Variants in MKI67 observed in about 807,000 individuals in gnomAD.
MKI67 encodes the protein marker of proliferation Ki-67.
MKI67 carries 152 observed loss-of-function variants against 233.5 expected under a neutral mutation model. The ratio of observed to expected loss-of-function variants is 0.65; its 90% CI spans 0.57 to 0.74. MKI67 has a LOEUF of 0.74. Ranked by LOEUF, MKI67 falls within the 30% of genes least tolerant of loss-of-function variation. MKI67 has a pLI of 0.00. For missense variants in MKI67, 3,940 were observed against 3,885.2 expected (o/e 1.01, Z -0.37); for synonymous variants, 1,465 against 1,418.5 (o/e 1.03, Z -0.74).
rs781046539 is a variant in MKI67, at chr10:128,105,104, C to T, written c.6736G>A (p.Ala2246Thr). ...KPQSKRSLRK[A>T]DVEEESLALR... ...GCTAAGGATTCTTCCTCTACGTCTGCTTTCCTGAGACTTCTCTTGGACTGT... is the reference window on the plus strand; with the variant it reads ...GCTAAGGATTCTTCCTCTACGTCTGTTTTCCTGAGACTTCTCTTGGACTGT... Residue 2246 changes from alanine (A) to threonine (T), a missense_variant, in exon 13 of 15, where the codon GCA (alanine) becomes ACA (threonine). Coordinates refer to ENST00000368654, the MANE Select transcript of MKI67 (RefSeq NM_002417.5). The T allele has an allele frequency of 6.2e-7, 1 of 1,614,014 alleles. No homozygotes were observed. The highest frequency in any genetic ancestry group is 1.1e-5 in the South Asian group (1 of 91,080).
intron 2 of MKI67, among the ~76,000 whole-genome samples, chr10:128,123,715 G>A (rs1419130653): frequency 6.6e-6 from 1 of 152,122 alleles, no homozygotes; most frequent in Admixed American, 6.5e-5. Flanking sequence ...TGCTCATTAT[G>A]GGTAAGCTTT....
chr10:128,125,768 G>A lies in MKI67; in HGVS notation c.-89-12C>T. ...TTACAACTCTTCCACTGCAAAAGAG[G>A]TGCGAGTTACTCTGATAGCAAAGGA... On this transcript the variant is annotated splice_polypyrimidine_tract_variant and intron_variant, in intron 1 of 14. Transcript: ENST00000368654. The surrounding 1 kb of genome is among the most constrained non-coding windows in gnomAD (Gnocchi z 5.3). The A allele has an allele frequency of 1.0e-6, 1 of 979,232 alleles. No individual in the cohort carries two copies. Among genetic ancestry groups the A allele is most frequent in the East Asian group, 2.4e-5 (1 of 41,038 alleles). 60.7% of individuals were successfully genotyped at this position (979,232 alleles called of 1,614,324 possible).
chr10:128,107,236 C>T lies in MKI67; in HGVS notation c.4604G>A (p.Gly1535Asp), dbSNP rs776367302. 1.2e-6 allele frequency: 2 copies of T among 1,614,122 alleles called. No homozygotes were observed. Among genetic ancestry groups the T allele is most frequent in the South Asian group, 2.2e-5 (2 of 91,080 alleles). The change falls in exon 13 of 15, where the codon GGC becomes GAC. Residue 1535 changes from glycine (G) to aspartate (D), a missense_variant. By Grantham distance (94) the Gly-to-Asp change is moderately conservative. Transcript: ENST00000368654. Reference protein sequence around the residue: ...FALRKRTPSAGKAMHTPKPAV... With the variant: ...FALRKRTPSADKAMHTPKPAV... Reference sequence around the variant, plus strand: ...TGGTTTGGGTGTGTGCATGGCTTTGCCTGCTGATGGTGTTCGTTTCCTGAG... The same window carrying T: ...TGGTTTGGGTGTGTGCATGGCTTTGTCTGCTGATGGTGTTCGTTTCCTGAG...
At position 128,105,574 on chromosome 10, in the gene MKI67, G is replaced by A. The variant is rs1419967518; in HGVS notation, c.6266C>T (p.Thr2089Ile). The part of the protein sequence containing the change: ...FKELFQTPDH[T>I]EESTTDDKTT... ...TTTGTCATCAGTTGTTGATTCCTCA[G>A]TGTGGTCTGGTGTCTGGAAGAGCTC... Residue 2089 changes from threonine to isoleucine, a missense_variant, in exon 13 of 15, where the codon ACT (threonine) becomes ATT (isoleucine). Physicochemically the swap from Thr to Ile is moderately conservative, Grantham distance 89. Coordinates refer to ENST00000368654, the MANE Select transcript of MKI67 (RefSeq NM_002417.5). The A allele has an allele frequency of 4.3e-6, 7 of 1,614,054 alleles. No homozygotes were observed. Among genetic ancestry groups the A allele is most frequent in the Non-Finnish European group, 5.9e-6 (7 of 1,179,988 alleles).
Position 128,125,677 on chromosome 10 carries a change from A to G in MKI67, c.-10T>C, listed in dbSNP as rs931731069. On this transcript the variant is annotated 5_prime_UTR_variant, in exon 2 of 15. Coordinates refer to ENST00000368654, the MANE Select transcript of MKI67 (RefSeq NM_002417.5). This position sits in a 1 kb window ranked among gnomAD's most constrained non-coding sequence, Gnocchi z 5.3. ...GTCTCGTGGGCCACATTTTCTAAAC[A>G]GTAAGTTGAGTATAATCCGTAGGGG... The G allele has an allele frequency of 1.2e-6, 2 of 1,610,854 alleles. No homozygotes were observed. Among genetic ancestry groups the G allele is most frequent in the South Asian group, 2.2e-5 (2 of 91,008 alleles).
chr10:128,111,544 ATCTCT>A, intron 11 of MKI67, 96 bp downstream of exon 11: 1 of 1,018,498 alleles, frequency 9.8e-7, no homozygotes, highest in Non-Finnish European at 1.4e-6. Flanking sequence ...TTATTTTATA[ATCTCT>A]TTCACAGCAG....
At chr10:128,099,277 A>G (rs750229707) in intron 14 of MKI67, 22 bp from the exon 15 acceptor site, 5 of 1,597,502 alleles carry the variant, frequency 3.1e-6, no homozygotes, top group Non-Finnish European at 4.3e-6. Flanking sequence ...GAAAAAAAAT[A>G]GAACTCTTAA....
At chr10:128,119,392 A>G in intron 4 of MKI67, 73 bp from the exon 5 acceptor site, 2 of 1,015,448 alleles carry the variant, frequency 2.0e-6, no homozygotes, top group Non-Finnish European at 3.1e-6. Flanking sequence ...ATATCCACTT[A>G]ATGTCCAAGG....
chr10:128,115,946 AT>A lies in MKI67; in HGVS notation c.461del (p.Asn154IlefsTer58). The A allele has an allele frequency of 6.2e-7, 1 of 1,608,976 alleles. No homozygotes were observed. The highest frequency in any genetic ancestry group is 8.5e-7 in the Non-Finnish European group (1 of 1,179,078). On this transcript the variant is annotated frameshift_variant, in exon 7 of 15. Coordinates refer to ENST00000368654, the MANE Select transcript of MKI67 (RefSeq NM_002417.5). LOFTEE classifies it high-confidence loss of function. ...SKITEGKVSG[N>X]PQVHIKNVKE... ...TGACATTCTTGATATGTACCTGAGG[AT>A]TTCCTGAAACTTTTCCTTCAGTGAT...
chr10:128,103,447 T>G lies in MKI67; in HGVS notation c.8393A>C (p.Glu2798Ala). 3 of 1,613,856 alleles carry G rather than the reference T, an allele frequency of 1.9e-6. No homozygotes were observed. Among genetic ancestry groups the G allele is most frequent in the Non-Finnish European group, 2.5e-6 (3 of 1,179,896 alleles). ...RAPRESAQAI[E>A]DLAGFKDPAA... ...TGGGTCTTTGAAGCCAGCTAGGTCTTCTATGGCTTGGGCACTTTCCCTGGG... is the reference window on the plus strand; with the variant it reads ...TGGGTCTTTGAAGCCAGCTAGGTCTGCTATGGCTTGGGCACTTTCCCTGGG... The change falls in exon 13 of 15, where the codon GAA becomes GCA. Residue 2798 changes from glutamate (E) to alanine (A), a missense_variant. Transcript: ENST00000368654.
intron 11 of MKI67, 50 bp from the exon 12 acceptor site, chr10:128,110,583 G>A (rs758531721): frequency 1.4e-6 from 2 of 1,427,710 alleles, no homozygotes; most frequent in African/African-American, 1.4e-5. Context: ...CTAACATGCA[G>A]ACAACCATCC....
Position 128,099,158 on chromosome 10 carries a change from T to G in MKI67, c.*32A>C. The G allele has an allele frequency of 6.4e-7, 1 of 1,551,572 alleles. No individual in the cohort carries two copies. Among genetic ancestry groups the G allele is most frequent in the South Asian group, 1.2e-5 (1 of 86,802 alleles). The stretch of plus-strand genomic sequence containing the variant: ...CACTAGAACTTATCACAAAACTAAC[T>G]TTATTATATTTTTCCCAGTTCGATT... On this transcript the variant is annotated 3_prime_UTR_variant, in exon 15 of 15. Coordinates refer to ENST00000368654, the MANE Select transcript of MKI67 (RefSeq NM_002417.5).
At position 128,125,624 on chromosome 10, in the gene MKI67, A is replaced by AC. The variant is rs1276908769; in HGVS notation, c.43dup (p.Val15GlyfsTer20). ...GCTCAGGGGAAAGTGGGGACCGTCG[A>AC]CCCCGCTCCTTTTGATAGTAACCAG... On this transcript the variant is annotated frameshift_variant, in exon 2 of 15. Transcript: ENST00000368654. LOFTEE classifies it high-confidence loss of function. The surrounding 1 kb of genome is among the most constrained non-coding windows in gnomAD (Gnocchi z 5.3). 6.2e-7 allele frequency: 1 copy of AC among 1,612,726 alleles called. No individual in the cohort carries two copies. The highest frequency in any genetic ancestry group is 1.3e-5 in the African/African-American group (1 of 74,638).
chr10:128,124,352 T>G (rs1209858530), intron 2 of MKI67, among the ~76,000 whole-genome samples: 1 of 152,222 alleles, frequency 6.6e-6, no homozygotes, highest in East Asian at 1.9e-4. Context: ...GTTGACATCT[T>G]GGGCCAGATG....
rs978950523 is a variant in MKI67, at chr10:128,105,373, C to G, written c.6467G>C (p.Gly2156Ala). Residue 2156 changes from glycine (G) to alanine (A), a missense_variant, in exon 13 of 15, where the codon GGC (glycine) becomes GCC (alanine). Physicochemically the swap from Gly to Ala is moderately conservative, Grantham distance 60. Coordinates refer to ENST00000368654, the MANE Select transcript of MKI67 (RefSeq NM_002417.5). ...TDKVPGDEDK[G>A]INVFRETAKQ... ...TGCAGTTTCCCTGAACACGTTGATGCCTTTATCCTCATCTCCTGGTACTTT... is the reference window on the plus strand; with the variant it reads ...TGCAGTTTCCCTGAACACGTTGATGGCTTTATCCTCATCTCCTGGTACTTT... 6.2e-7 allele frequency: 1 copy of G among 1,614,020 alleles called. No individual in the cohort carries two copies. The highest frequency in any genetic ancestry group is 8.5e-7 in the Non-Finnish European group (1 of 1,180,044).
In MKI67 at chr10:128,105,550, T is replaced by C. The variant is rs537175022; in HGVS notation, c.6290A>G (p.Lys2097Arg). The change falls in exon 13 of 15, where the codon AAA (lysine) becomes AGA (arginine). Residue 2097 changes from lysine (K) to arginine (R), a missense_variant. By Grantham distance (26) the Lys-to-Arg change is conservative. Transcript: ENST00000368654. ...DHTEESTTDD[K>R]TTKIACKSPP... ...AGATTTGCAGGCTATTTTGGTAGTT[T>C]TGTCATCAGTTGTTGATTCCTCAGT... The C allele has an allele frequency of 1.9e-6, 3 of 1,614,076 alleles. No individual in the cohort carries two copies. The highest frequency in any genetic ancestry group is 1.1e-5 in the South Asian group (1 of 91,074).
intron 6 of MKI67, 59 bp from the exon 7 acceptor site, chr10:128,116,066 T>A (rs1437861661): frequency 2.0e-6 from 3 of 1,497,376 alleles, no homozygotes; most frequent in Non-Finnish European, 2.7e-6. Context: ...ATGATTAACA[T>A]TTGTGGAATT....
intron 12 of MKI67, among the ~76,000 whole-genome samples, chr10:128,109,777 C>T (rs1852628239): frequency 6.6e-6 from 1 of 152,158 alleles, no homozygotes; most frequent in Non-Finnish European, 1.5e-5. Context: ...TGTTTCTTGC[C>T]TTAAATCGCC....
At chr10:128,120,470 T>C (rs901532813) in intron 4 of MKI67, among the ~76,000 whole-genome samples, 2 of 151,878 alleles carry the variant, frequency 1.3e-5, no homozygotes, top group African/African-American at 4.8e-5. Context: ...CCAGCCTGGG[T>C]GACAGAGCAA....
Sources: gnomAD v4.1 joint callset for allele counts (sites outside exome capture counted in the v4.1 genomes callset) on GRCh38, gnomAD v4.1.1 for gene constraint, Gnocchi (gnomAD v3.1) non-coding constraint, MANE v1.5 for transcripts, NCBI Gene and HGNC (gene_info 2026-07-23, HGNC 2026-07-21) for gene names.